RAB38: variants seen among roughly 807,000 people sequenced by gnomAD.
RAB38 encodes the protein ras-related protein Rab-38.
A neutral mutation model predicts 18.4 loss-of-function variants in RAB38; 15 were observed. The observed-to-expected ratio is 0.82, with a 90% CI of 0.55 to 1.26. The LOEUF is 1.26. Ranked by LOEUF, RAB38 falls within the 50% of genes most tolerant of loss-of-function variation. RAB38 has a pLI of 0.00. For synonymous variants in RAB38, 101 were observed against 104.4 expected, an observed-to-expected ratio of 0.97 and a Z score of 0.20; for missense variants, 294 against 267.4, an observed-to-expected ratio of 1.10 and a Z score of -0.69.
the RAB38 span, among the ~76,000 whole-genome samples, chr11:87,829,550 A>G: frequency 6.6e-6 from 1 of 152,090 alleles, no homozygotes; most frequent in Non-Finnish European, 1.5e-5. Flanking sequence ...AAACCATCGG[A>G]TCTTGTGAGA....
rs1420051561 is a variant in RAB38, at chr11:88,113,298, T to C, written c.*690A>G. 6.6e-6 allele frequency: 1 copy of C among 152,322 alleles called. No individual in the cohort carries two copies. Among genetic ancestry groups the C allele is most frequent in the Non-Finnish European group, 1.5e-5 (1 of 67,990 alleles). 9.4% of individuals were successfully genotyped at this position (152,322 alleles called of 1,614,324 possible). Reference sequence around the variant, plus strand: ...GTTTTATTGTTCACTTGCAAAAATATATATAATATATATTACATGTATAGC... The same window carrying C: ...GTTTTATTGTTCACTTGCAAAAATACATATAATATATATTACATGTATAGC... On this transcript the variant is annotated 3_prime_UTR_variant, in exon 3 of 3. Transcript: ENST00000243662.
At chr11:88,051,785 A>G in the RAB38 span, among the ~76,000 whole-genome samples, 7 of 152,182 alleles carry the variant, frequency 4.6e-5, no homozygotes, top group Non-Finnish European at 1.0e-4. Flanking sequence ...AAGTATTAGA[A>G]CCATAGGAAT....
At chr11:87,849,179 C>T in the RAB38 span, among the ~76,000 whole-genome samples, 1 of 152,100 alleles carries the variant, frequency 6.6e-6, no homozygotes, top group African/African-American at 2.4e-5. Flanking sequence ...AACTTTGCAC[C>T]ACAGGAAGTG....
the RAB38 span, among the ~76,000 whole-genome samples, chr11:88,103,970 G>A: frequency 2.6e-5 from 4 of 152,044 alleles, no homozygotes; most frequent in African/African-American, 9.7e-5. Flanking sequence ...AAGACCTAGC[G>A]GTCCACAACC....
At chr11:87,950,391 G>A in the RAB38 span, among the ~76,000 whole-genome samples, 7 of 152,090 alleles carry the variant, frequency 4.6e-5, no homozygotes, top group African/African-American at 4.8e-5. Context: ...TTACATTTAA[G>A]GTTAATATTG....
the RAB38 span, among the ~76,000 whole-genome samples, chr11:87,940,336 T>C: frequency 1.3e-5 from 2 of 152,146 alleles, no homozygotes; most frequent in African/African-American, 2.4e-5. Flanking sequence ...CTCATCTCTC[T>C]TTGCCCAGAC....
chr11:87,882,496 C>T, the RAB38 span, among the ~76,000 whole-genome samples: 3 of 151,838 alleles, frequency 2.0e-5, no homozygotes, highest in Non-Finnish European at 4.4e-5. Flanking sequence ...TTGAGAACCA[C>T]TCTAGTAGGT....
intron 2 of RAB38, among the ~76,000 whole-genome samples, chr11:88,138,023 T>G (rs1246526102): frequency 6.6e-6 from 1 of 152,214 alleles, no homozygotes; most frequent in Non-Finnish European, 1.5e-5. Flanking sequence ...TCATGCATCT[T>G]TTCCTAAGCA....
At chr11:87,861,995 C>A in the RAB38 span, among the ~76,000 whole-genome samples, 3 of 151,664 alleles carry the variant, frequency 2.0e-5, no homozygotes, top group Non-Finnish European at 4.4e-5. Flanking sequence ...ATGGCTACTA[C>A]TAAAAAGTCA....
chr11:87,910,197 T>A, the RAB38 span, among the ~76,000 whole-genome samples: 1 of 151,616 alleles, frequency 6.6e-6, no homozygotes, highest in Admixed American at 6.6e-5. Flanking sequence ...AGTTTCAATG[T>A]TAATTTTTCT....
the RAB38 span, among the ~76,000 whole-genome samples, chr11:88,019,582 C>T: frequency 2.0e-5 from 3 of 152,154 alleles, no homozygotes; most frequent in Non-Finnish European, 4.4e-5. Context: ...TGCCTCCCAT[C>T]TAAAGTTCTT....
chr11:87,831,796 T>A, the RAB38 span, among the ~76,000 whole-genome samples: 2 of 152,170 alleles, frequency 1.3e-5, no homozygotes, highest in Non-Finnish European at 2.9e-5. Context: ...AAAGACATAA[T>A]CTTAATGTAT....
chr11:87,974,737 T>A, the RAB38 span, among the ~76,000 whole-genome samples: 1 of 151,492 alleles, frequency 6.6e-6, no homozygotes, highest in Non-Finnish European at 1.5e-5. Context: ...GAAATGATAC[T>A]TTATATACAG....
the RAB38 span, among the ~76,000 whole-genome samples, chr11:87,833,396 A>T: frequency 3.9e-5 from 6 of 152,026 alleles, no homozygotes; most frequent in Admixed American, 2.6e-4. Flanking sequence ...ACCTCCTCCC[A>T]ACAACCTGGT....
chr11:87,955,102 T>C, the RAB38 span, among the ~76,000 whole-genome samples: 2 of 152,178 alleles, frequency 1.3e-5, no homozygotes, highest in African/African-American at 4.8e-5. Flanking sequence ...TGCAGTAGTG[T>C]TCACTGGCCC....
At chr11:87,893,372 A>ATATATATATATATATG in the RAB38 span, among the ~76,000 whole-genome samples, 31 of 28,442 alleles carry the variant, frequency 1.1e-3, no homozygotes, top group African/African-American at 1.9e-3. Flanking sequence ...TATATTTTAC[A>ATATATATATATATATG]TATATATATA....
the RAB38 span, among the ~76,000 whole-genome samples, chr11:87,884,886 T>A: frequency 6.6e-6 from 1 of 151,944 alleles, no homozygotes; most frequent in African/African-American, 2.4e-5. Flanking sequence ...ATGATTCCAA[T>A]GTTGATTATC....
the RAB38 span, among the ~76,000 whole-genome samples, chr11:87,878,222 T>TATATATATATATATATATATATACACAC: frequency 3.4e-5 from 4 of 116,206 alleles, no homozygotes; most frequent in African/African-American, 1.3e-4. Flanking sequence ...TATATATATA[T>TATATATATATATATATATATATACACAC]ACACACATAT....
At chr11:88,030,258 T>G in the RAB38 span, among the ~76,000 whole-genome samples, 1 of 152,168 alleles carries the variant, frequency 6.6e-6, no homozygotes, top group Non-Finnish European at 1.5e-5. Flanking sequence ...CAGCACTAAA[T>G]GCCCACAAGA....
Sources: allele counts gnomAD v4.1 joint callset (sites outside exome capture counted in the v4.1 genomes callset), GRCh38; gene constraint gnomAD v4.1.1; transcripts MANE v1.5; gene names NCBI Gene and HGNC (gene_info 2026-07-23, HGNC 2026-07-21).